STK3: variants seen among roughly 807,000 people sequenced by gnomAD.
The protein encoded by STK3 is serine/threonine-protein kinase 3.
In STK3, 41 loss-of-function variants were observed where a neutral mutation model predicts 58.0. That is an observed-to-expected ratio of 0.71 (90% CI 0.55 to 0.92). The LOEUF is 0.92. Among genes scored for constraint, STK3 ranks in the 40% least tolerant of loss-of-function variants. STK3 has a pLI of 0.00. For missense variants in STK3, 479 were observed against 602.7 expected (o/e 0.79, Z 2.15); for synonymous variants, 170 against 191.0 (o/e 0.89, Z 0.91).
chr8:98,533,195 C>T (rs893814506), intron 9 of STK3, among the ~76,000 whole-genome samples: 6 of 152,100 alleles, frequency 3.9e-5, no homozygotes, highest in South Asian at 2.1e-4. Flanking sequence ...TATAGAAATA[C>T]ATCTTAGAGA....
chr8:98,408,954 C>T (rs1371605116), intron 3 of STK3, among the ~76,000 whole-genome samples: 1 of 152,152 alleles, frequency 6.6e-6, no homozygotes, highest in Non-Finnish European at 1.5e-5. Flanking sequence ...TGAAAGAAAA[C>T]GTCCCCTGTT....
chr8:98,619,451 C>G (rs1480759231), intron 6 of STK3, among the ~76,000 whole-genome samples: 18 of 147,214 alleles, frequency 1.2e-4, no homozygotes, highest in African/African-American at 4.6e-4. Context: ...CAACAAAAGC[C>G]AAAATTGACA....
chr8:98,681,922 T>G (rs1823668133), intron 6 of STK3, among the ~76,000 whole-genome samples: 1 of 152,266 alleles, frequency 6.6e-6, no homozygotes, highest in African/African-American at 2.4e-5. Context: ...AATGGCCTAC[T>G]AGCAGTGTAT....
chr8:98,450,881 C>G (rs565765271), downstream of STK3, among the ~76,000 whole-genome samples: 2 of 152,308 alleles, frequency 1.3e-5, no homozygotes, highest in East Asian at 3.9e-4. Context: ...CCCTAACATT[C>G]TAAAGCTAGA....
chr8:98,666,387 C>A (rs952946447), intron 6 of STK3, among the ~76,000 whole-genome samples: 3 of 152,126 alleles, frequency 2.0e-5, no homozygotes, highest in African/African-American at 7.2e-5. Flanking sequence ...AAAACAGCAG[C>A]AGAATATTAC....
chr8:98,653,936 C>T (rs1169541343), intron 6 of STK3, among the ~76,000 whole-genome samples: 1 of 152,182 alleles, frequency 6.6e-6, no homozygotes, highest in Non-Finnish European at 1.5e-5. Context: ...CCTTCTGAAA[C>T]TATTCCAATC....
intron 8 of STK3, among the ~76,000 whole-genome samples, chr8:98,560,091 G>A (rs1811893077): frequency 6.6e-6 from 1 of 151,980 alleles, no homozygotes; most frequent in African/African-American, 2.4e-5. Flanking sequence ...TCTTCTTATA[G>A]GCAATTACCA....
chr8:98,467,332 T>C (rs182458362), intron 10 of STK3, among the ~76,000 whole-genome samples: 1 of 152,164 alleles, frequency 6.6e-6, no homozygotes, highest in East Asian at 1.9e-4. Context: ...TGAAACATAG[T>C]AGGTGCTTAA....
chr8:98,823,113 C>T (rs553258288), intron 1 of STK3, among the ~76,000 whole-genome samples: 6 of 152,224 alleles, frequency 3.9e-5, no homozygotes, highest in African/African-American at 1.4e-4. Context: ...TGGGGTAGTA[C>T]TCTTGAGAAA....
intron 10 of STK3, among the ~76,000 whole-genome samples, chr8:98,479,515 A>AGAAG (rs1267276468): frequency 1.4e-5 from 2 of 143,436 alleles, no homozygotes; most frequent in Non-Finnish European, 3.0e-5. Context: ...GGAAAGGTGA[A>AGAAG]GAAGCATATC....
chr8:98,623,520 A>T (rs2130422009), intron 6 of STK3, among the ~76,000 whole-genome samples: 1 of 152,328 alleles, frequency 6.6e-6, no homozygotes, highest in East Asian at 1.9e-4. Flanking sequence ...ACAGTAGCTT[A>T]TGCCTGTAAT....
At chr8:98,538,755 A>G (rs1379812540) in intron 9 of STK3, among the ~76,000 whole-genome samples, 8 of 152,176 alleles carry the variant, frequency 5.3e-5, no homozygotes, top group African/African-American at 1.7e-4. Context: ...CTAATAAAAG[A>G]GGTATCCTAC....
At chr8:98,673,351 TA>T (rs1324182302) in intron 6 of STK3, among the ~76,000 whole-genome samples, 1 of 152,154 alleles carries the variant, frequency 6.6e-6, no homozygotes, top group Non-Finnish European at 1.5e-5. Flanking sequence ...CTGTAAGCTG[TA>T]GATATAGTAC....
chr8:98,685,031 A>C (rs1054261139), intron 6 of STK3, among the ~76,000 whole-genome samples: 1 of 152,138 alleles, frequency 6.6e-6, no homozygotes, highest in Admixed American at 6.5e-5. Flanking sequence ...TCTACCATGG[A>C]CCACAATTTT....
chr8:98,477,550 A>G (rs1195587207), intron 10 of STK3, among the ~76,000 whole-genome samples: 1 of 151,662 alleles, frequency 6.6e-6, no homozygotes, highest in Non-Finnish European at 1.5e-5. Flanking sequence ...CCTTCACCAA[A>G]TGTCCATTAG....
intron 3 of STK3, among the ~76,000 whole-genome samples, chr8:98,834,351 T>C (rs1250708149): frequency 6.6e-6 from 1 of 152,114 alleles, no homozygotes; most frequent in Non-Finnish European, 1.5e-5. Flanking sequence ...CCAAATAAAC[T>C]CTCTACTTAT....
the STK3 span, among the ~76,000 whole-genome samples, chr8:98,354,035 C>T: frequency 6.6e-6 from 1 of 152,170 alleles, no homozygotes; most frequent in East Asian, 1.9e-4. Flanking sequence ...TGTGTGCCCC[C>T]CTTCCCTTTG....
At chr8:98,784,140 A>G (rs536619987) in intron 1 of STK3, among the ~76,000 whole-genome samples, 14 of 152,364 alleles carry the variant, frequency 9.2e-5, no homozygotes, top group Non-Finnish European at 1.5e-5. Context: ...TGAGGGACAG[A>G]CACTCGGAAA....
intron 9 of STK3, among the ~76,000 whole-genome samples, chr8:98,530,582 C>A (rs1387085844): frequency 6.6e-6 from 1 of 152,196 alleles, no homozygotes; most frequent in Admixed American, 6.5e-5. Context: ...AGTGCAGAGG[C>A]ACCTGTGCTG....
Sources: gnomAD v4.1 joint callset for allele counts (sites outside exome capture counted in the v4.1 genomes callset) on GRCh38, gnomAD v4.1.1 for gene constraint, MANE v1.5 for transcripts, NCBI Gene and HGNC (gene_info 2026-07-23, HGNC 2026-07-21) for gene names.